Variants in MTUS1 observed in about 807,000 individuals in gnomAD.
MTUS1 encodes microtubule associated scaffold protein 1, also known as microtubule-associated tumor suppressor 1.
In MTUS1, 109 loss-of-function variants were observed where a neutral mutation model predicts 120.8. The observed-to-expected ratio is 0.90, with a 90% CI of 0.77 to 1.06. The LOEUF (loss-of-function observed/expected upper bound fraction) is 1.06, where lower values mean the gene tolerates loss of function less well. MTUS1 is among the 50% of genes least tolerant of loss of function. The probability of loss-of-function intolerance (pLI) is 0.00; values close to 1 mark genes in which losing one functional copy is unlikely to be tolerated. For synonymous variants in MTUS1, 737 were observed against 550.5 expected, an observed-to-expected ratio of 1.34 and a Z score of -4.74; for missense variants, 2,210 against 1,486.3, an observed-to-expected ratio of 1.49 and a Z score of -8.01.
intron 3 of MTUS1, 59 bp from the exon 4 acceptor site, chr8:17,723,892 T>G: frequency 7.0e-7 from 1 of 1,427,922 alleles, no homozygotes; most frequent in Non-Finnish European, 9.4e-7. Flanking sequence ...AGCTGGCACT[T>G]TTTAAGCCTG....
intron 6 of MTUS1, among the ~76,000 whole-genome samples, chr8:17,704,737 G>A (rs775351388): frequency 2.0e-4 from 30 of 152,066 alleles, no homozygotes; most frequent in Non-Finnish European, 4.0e-4. Flanking sequence ...GATTGTTTTG[G>A]CTATTTGCAG....
intron 6 of MTUS1, among the ~76,000 whole-genome samples, chr8:17,687,846 T>C (rs1446867391): frequency 6.6e-6 from 1 of 152,218 alleles, no homozygotes; most frequent in Non-Finnish European, 1.5e-5. Context: ...ACTAGTGCAA[T>C]GAAGTCATGT....
intron 1 of MTUS1, among the ~76,000 whole-genome samples, chr8:17,761,532 G>T (rs975286478): frequency 2.6e-5 from 4 of 152,116 alleles, no homozygotes; most frequent in Non-Finnish European, 5.9e-5. Flanking sequence ...TTCACCAACT[G>T]AACTAGAAAC....
At chr8:17,698,173 G>T (rs1384743806) in intron 6 of MTUS1, among the ~76,000 whole-genome samples, 2 of 152,174 alleles carry the variant, frequency 1.3e-5, no homozygotes, top group Admixed American at 1.3e-4. Flanking sequence ...TAATATCAGA[G>T]TTCCAGAAGA....
At position 17,739,182 on chromosome 8, in the gene MTUS1, A is replaced by G. The variant is rs529964352; in HGVS notation, c.2287+4422T>C. ...AGAAAACAAACAAACAAAAAAACAA[A>G]TTAGACTTTATTATTAAAAATAAAA... is the stretch of plus-strand genomic sequence containing the variant. On this transcript the variant is annotated intron_variant, in intron 3 of 14. Transcript: ENST00000693296. 5.1e-4 allele frequency among the ~76,000 whole-genome samples: 78 copies of G among 152,126 alleles called. 1 individual carries two copies. In the South Asian group the frequency reaches 0.016, roughly 31 times the overall value.
In MTUS1 at chr8:17,646,898, G is replaced by A. The variant is rs550966567; in HGVS notation, c.3599+84C>T. On this transcript the variant is annotated intron_variant, in intron 14 of 14. Coordinates refer to ENST00000693296, the MANE Select transcript of MTUS1 (RefSeq NM_001363059.2). ...TGCTTCCATCATATTTCCAGGAGGTGCAGGGGTAGAGCGTGTCCAGAAAGT... is the reference window on the plus strand; with the variant it reads ...TGCTTCCATCATATTTCCAGGAGGTACAGGGGTAGAGCGTGTCCAGAAAGT... The A allele has an allele frequency of 1.4e-5, 13 of 903,690 alleles. No individual in the cohort carries two copies. In the South Asian group the frequency reaches 1.5e-4, roughly 11 times the overall value. The allele number at this position is 903,690 out of a possible 1,614,324, so 56.0% of individuals were successfully genotyped here.
intron 3 of MTUS1, among the ~76,000 whole-genome samples, chr8:17,735,125 T>A (rs2131203701): frequency 6.6e-6 from 1 of 152,150 alleles, no homozygotes; most frequent in South Asian, 2.1e-4. Context: ...GTTTCCTTAG[T>A]CTCTACATAT....
chr8:17,756,488 G>C (rs180689387), intron 1 of MTUS1, among the ~76,000 whole-genome samples: 1 of 151,904 alleles, frequency 6.6e-6, no homozygotes, highest in African/African-American at 2.4e-5. Flanking sequence ...AAGAACTCAC[G>C]TTTCTCCTTT....
intron 1 of MTUS1, among the ~76,000 whole-genome samples, chr8:17,799,533 T>C (rs1320334470): frequency 2.0e-5 from 3 of 152,328 alleles, no homozygotes; most frequent in African/African-American, 7.2e-5. Context: ...CGGATTACTT[T>C]TGAAATCAAA....
At chr8:17,710,496 C>A in intron 6 of MTUS1, among the ~76,000 whole-genome samples, 1 of 152,316 alleles carries the variant, frequency 6.6e-6, no homozygotes. Flanking sequence ...TGCAGTCACA[C>A]CTTAGGCTTC....
At chr8:17,656,402 C>CATGGTAGAGAATCGG (rs1808237807) in intron 8 of MTUS1, among the ~76,000 whole-genome samples, 1 of 151,954 alleles carries the variant, frequency 6.6e-6, no homozygotes, top group African/African-American at 2.4e-5. Context: ...GTAGCAGGTG[C>CATGGTAGAGAATCGG]CTGTAATCCC....
At chr8:17,713,162 A>G (rs1004836661) in intron 6 of MTUS1, 52 bp downstream of exon 6, 29 of 1,385,028 alleles carry the variant, frequency 2.1e-5, no homozygotes, top group Middle Eastern at 1.8e-4. Flanking sequence ...TTGTAGTAAC[A>G]TAACTTTACA....
At position 17,684,445 on chromosome 8, in the gene MTUS1, T is replaced by C. The variant is rs756040466; in HGVS notation, c.2721A>G (p.Gln907=). ...LPPEKTLELT[Q]YKTKCENQSG... ...TTTGGTTTTCACATTTTGTTTTATA[T>C]TGCGTCAATTCAAGTGTTTTCTCAG... Residue 907 remains glutamine (Q), a synonymous_variant, in exon 7 of 15, where the codon CAA becomes CAG. Transcript: ENST00000693296. The C allele has an allele frequency of 9.3e-6, 15 of 1,614,092 alleles. No homozygotes were observed. In the East Asian group the frequency reaches 1.6e-4, roughly 17 times the overall value.
At chr8:17,729,147 A>C (rs1214472005) in intron 3 of MTUS1, among the ~76,000 whole-genome samples, 4 of 152,242 alleles carry the variant, frequency 2.6e-5, no homozygotes, top group African/African-American at 9.6e-5. Context: ...CCTTAAATAC[A>C]ACTCAACTAC....
chr8:17,757,643 C>T (rs1378860018), intron 1 of MTUS1, among the ~76,000 whole-genome samples: 2 of 152,190 alleles, frequency 1.3e-5, no homozygotes, highest in East Asian at 1.9e-4. Flanking sequence ...CTTCCTGCCT[C>T]AGCCTCCTGA....
intron 8 of MTUS1, among the ~76,000 whole-genome samples, chr8:17,657,376 G>T (rs947998364): frequency 3.8e-4 from 58 of 151,270 alleles, no homozygotes; most frequent in Non-Finnish European, 6.5e-4. Context: ...AGACCATCCC[G>T]GCTAAAACGG....
chr8:17,665,549 T>C (rs7844535), intron 8 of MTUS1, among the ~76,000 whole-genome samples: 640 of 152,136 alleles, frequency 4.2e-3, no homozygotes, highest in African/African-American at 0.015. Context: ...TGAGTAGATA[T>C]GGGGTTTCAC....
At chr8:17,760,965 A>C (rs1375155743) in intron 1 of MTUS1, among the ~76,000 whole-genome samples, 2 of 152,184 alleles carry the variant, frequency 1.3e-5, no homozygotes, top group Non-Finnish European at 2.9e-5. Flanking sequence ...CTCCAGAACA[A>C]AGCAGAATGA....
intron 1 of MTUS1, among the ~76,000 whole-genome samples, chr8:17,762,721 T>A (rs1246047367): frequency 6.6e-6 from 1 of 152,242 alleles, no homozygotes; most frequent in Non-Finnish European, 1.5e-5. Flanking sequence ...AATTTGAAAT[T>A]ACATCCTTTT....
Sources: allele counts gnomAD v4.1 joint callset (sites outside exome capture counted in the v4.1 genomes callset), GRCh38; gene constraint gnomAD v4.1.1; transcripts MANE v1.5; gene names NCBI Gene and HGNC (gene_info 2026-07-23, HGNC 2026-07-21).